The following SLC7A6 variants were observed in gnomAD, a reference collection of about 807,000 sequenced individuals.
The protein encoded by SLC7A6 is Y+L amino acid transporter 2.
A neutral mutation model predicts 46.6 loss-of-function variants in SLC7A6; 29 were observed. The observed-to-expected ratio is 0.62, with a 90% CI of 0.46 to 0.85. SLC7A6 has a LOEUF of 0.85. Among genes scored for constraint, SLC7A6 ranks in the 40% least tolerant of loss-of-function variants. SLC7A6 has a pLI of 0.00. For synonymous variants in SLC7A6, 276 were observed against 257.3 expected (o/e 1.07, Z -0.70); for missense variants, 527 against 647.6 (o/e 0.81, Z 2.02).
chr16:68,284,925 T>C lies in SLC7A6; in HGVS notation c.524-2821T>C, dbSNP rs74534997. On this transcript the variant is annotated intron_variant, in intron 3 of 10. Transcript: ENST00000219343. ...GCCCTGGCTGGAGTGCAGTGACTAT[T>C]CACAGATGCTATTACAGTGCACTAT... Among the ~76,000 whole-genome samples, 407 of 145,584 alleles carry C rather than the reference T, an allele frequency of 2.8e-3. 5 individuals carry two copies. Among genetic ancestry groups the C allele is most frequent in the African/African-American group, 9.9e-3 (385 of 38,768 alleles).
intron 3 of SLC7A6, among the ~76,000 whole-genome samples, chr16:68,275,901 G>GA (rs985115728): frequency 5.3e-5 from 8 of 150,716 alleles, no homozygotes; most frequent in Non-Finnish European, 8.9e-5. Flanking sequence ...TGTAAGCCCA[G>GA]AAAAAAACCC....
Position 68,296,762 on chromosome 16 carries a change from G to A in SLC7A6, c.1405G>A (p.Val469Ile), listed in dbSNP as rs1337697190. Residue 469 changes from valine (V) to isoleucine (I), a missense_variant, in exon 10 of 11, where the codon GTT (valine) becomes ATT (isoleucine). Coordinates refer to ENST00000219343, the MANE Select transcript of SLC7A6 (RefSeq NM_003983.6). Reference sequence around the variant, plus strand: ...TGGAGTCCCTTTCTACTTCATGGGTGTTTACCTGCCAGAGTCCCGGAGGCC... The same window carrying A: ...TGGAGTCCCTTTCTACTTCATGGGTATTTACCTGCCAGAGTCCCGGAGGCC... ...LSGVPFYFMG[V>I]YLPESRRPLF... is the part of the protein sequence containing the mutation. The A allele has an allele frequency of 1.9e-6, 3 of 1,614,172 alleles. No homozygotes were observed. The highest frequency in any genetic ancestry group is 1.1e-5 in the South Asian group (1 of 91,078).
intron 3 of SLC7A6, chr16:68,284,181 G>C (rs1190404919): frequency 3.9e-5 from 6 of 152,264 alleles, no homozygotes; most frequent in African/African-American, 1.4e-4. Context: ...ACACTACCCT[G>C]GCTCTGCCTT....
At chr16:68,287,260 G>A in intron 3 of SLC7A6, 1 of 1,200,158 alleles carries the variant, frequency 8.3e-7, no homozygotes, top group Non-Finnish European at 1.1e-6. Context: ...TTACAGGTGT[G>A]AGCCACTGCA....
At chr16:68,279,736 A>G (rs947279166) in intron 3 of SLC7A6, among the ~76,000 whole-genome samples, 7 of 152,132 alleles carry the variant, frequency 4.6e-5, no homozygotes, top group Non-Finnish European at 8.8e-5. Flanking sequence ...ATGCGGTTTT[A>G]CCATATTGGC....
intron 2 of SLC7A6, among the ~76,000 whole-genome samples, chr16:68,272,094 C>T (rs933277692): frequency 6.6e-6 from 1 of 152,154 alleles, no homozygotes; most frequent in Non-Finnish European, 1.5e-5. Context: ...TGAGCCACTG[C>T]GCCCAGCATG....
intron 3 of SLC7A6, among the ~76,000 whole-genome samples, chr16:68,279,730 G>A (rs1236769927): frequency 3.3e-5 from 5 of 152,132 alleles, no homozygotes; most frequent in Admixed American, 2.6e-4. Flanking sequence ...GTAGAGATGC[G>A]GTTTTACCAT....
chr16:68,301,341 G>A lies in SLC7A6; in HGVS notation c.*4013G>A, dbSNP rs979267856. 3 of 1,614,122 alleles carry A rather than the reference G, an allele frequency of 1.9e-6. No homozygotes were observed. Among genetic ancestry groups the A allele is most frequent in the Non-Finnish European group, 2.5e-6 (3 of 1,180,008 alleles). ...CCTTCTGCACATCCAGAGGGTACTTGCTCCACATCCGCTGTCTGCTGCTGC... is the reference window on the plus strand; with the variant it reads ...CCTTCTGCACATCCAGAGGGTACTTACTCCACATCCGCTGTCTGCTGCTGC... On this transcript the variant is annotated 3_prime_UTR_variant, in exon 11 of 11. Coordinates refer to ENST00000219343, the MANE Select transcript of SLC7A6 (RefSeq NM_003983.6).
intron 3 of SLC7A6, among the ~76,000 whole-genome samples, chr16:68,280,216 C>G (rs986400002): frequency 6.6e-6 from 1 of 152,088 alleles, no homozygotes; most frequent in Non-Finnish European, 1.5e-5. Context: ...GGTAAGACTT[C>G]GGTAGGATAG....
chr16:68,294,153 G>A (rs1046996883), intron 7 of SLC7A6, among the ~76,000 whole-genome samples: 2 of 152,104 alleles, frequency 1.3e-5, no homozygotes, highest in Non-Finnish European at 2.9e-5. Context: ...CTCGGCTTCC[G>A]AAAGTGCTGG....
At chr16:68,296,568 T>C (rs1331243323) in intron 9 of SLC7A6, 55 bp downstream of exon 9, 18 of 1,613,706 alleles carry the variant, frequency 1.1e-5, no homozygotes, top group Middle Eastern at 1.6e-4. Flanking sequence ...AGGTGGCTTC[T>C]TGCCCACGAG....
chr16:68,299,525 A>T lies in SLC7A6; in HGVS notation c.*2197A>T, dbSNP rs2043232816. 6.6e-6 allele frequency: 1 copy of T among 152,536 alleles called. No homozygotes were observed. Among genetic ancestry groups the T allele is most frequent in the Non-Finnish European group, 1.5e-5 (1 of 68,040 alleles). 9.4% of individuals were successfully genotyped at this position (152,536 alleles called of 1,614,324 possible). ...CTTCATGGTGGAATTAATTTCTGCC[A>T]GCTCTTTGTTGTCTGTCTCCTTAAA... On this transcript the variant is annotated 3_prime_UTR_variant, in exon 11 of 11. Transcript: ENST00000219343.
intron 3 of SLC7A6, 150 bp from the exon 4 acceptor site, chr16:68,287,596 C>T (rs1388922533): frequency 2.0e-6 from 3 of 1,494,508 alleles, no homozygotes; most frequent in Non-Finnish European, 2.7e-6. Context: ...GCAGGGTGTC[C>T]CCTCGCTTGC....
At chr16:68,278,021 C>T (rs1452175948) in intron 3 of SLC7A6, among the ~76,000 whole-genome samples, 1 of 151,446 alleles carries the variant, frequency 6.6e-6, no homozygotes, top group Non-Finnish European at 1.5e-5. Context: ...CTCACTGCAA[C>T]CTCTGGCTCA....
intron 3 of SLC7A6, among the ~76,000 whole-genome samples, chr16:68,282,652 C>G (rs1426523700): frequency 6.6e-6 from 1 of 151,288 alleles, no homozygotes; most frequent in East Asian, 1.9e-4. Context: ...GAGTCTCACT[C>G]TGTTGCCCAG....
rs1465963247 is a variant in SLC7A6, at chr16:68,301,012, C to G, written c.*3684C>G. 1.8e-6 allele frequency: 2 copies of G among 1,120,676 alleles called. No homozygotes were observed. The highest frequency in any genetic ancestry group is 5.0e-5 in the East Asian group (1 of 20,056). 69.4% of individuals were successfully genotyped at this position (1,120,676 alleles called of 1,614,324 possible). On this transcript the variant is annotated 3_prime_UTR_variant, in exon 11 of 11. Transcript: ENST00000219343. ...GCCAAGAAGCTAAAGCTAAAGAAAC[C>G]TTCCTTTTTTCAACGTTTTTTTTTC...
At chr16:68,278,974 G>A (rs1051037721) in intron 3 of SLC7A6, among the ~76,000 whole-genome samples, 20 of 152,114 alleles carry the variant, frequency 1.3e-4, no homozygotes, top group African/African-American at 3.6e-4. Context: ...GCGGCTGGCC[G>A]GGCAGGGGCT....
intron 3 of SLC7A6, among the ~76,000 whole-genome samples, chr16:68,277,352 G>A (rs200868096): frequency 3.9e-4 from 11 of 28,102 alleles, no homozygotes; most frequent in African/African-American, 2.5e-3. Context: ...TTATTTATTT[G>A]AGACGGAGTC....
At chr16:68,269,556 G>C in intron 2 of SLC7A6, among the ~76,000 whole-genome samples, 1 of 152,028 alleles carries the variant, frequency 6.6e-6, no homozygotes, top group East Asian at 1.9e-4. Flanking sequence ...TGGTTTGCAG[G>C]AGGGAGGCTT....
Sources: allele counts gnomAD v4.1 joint callset (sites outside exome capture counted in the v4.1 genomes callset), GRCh38; gene constraint gnomAD v4.1.1; transcripts MANE v1.5; gene names NCBI Gene and HGNC (gene_info 2026-07-23, HGNC 2026-07-21).